NCAPD2: variants seen among roughly 807,000 people sequenced by gnomAD.
The protein encoded by NCAPD2 is non-SMC condensin I complex subunit D2.
NCAPD2 carries 100 observed loss-of-function variants against 164.5 expected under a neutral mutation model. That is an observed-to-expected ratio of 0.61 (90% CI 0.52 to 0.72). The LOEUF (loss-of-function observed/expected upper bound fraction) is 0.72. Ranked by LOEUF, NCAPD2 falls within the 30% of genes least tolerant of loss-of-function variation. The pLI is 0.00. For missense variants in NCAPD2, 1,560 were observed against 1,749.2 expected, an observed-to-expected ratio of 0.89 and a Z score of 1.93; for synonymous variants, 585 against 642.6, an observed-to-expected ratio of 0.91 and a Z score of 1.36.
chr12:6,517,716 A>AAG, intron 12 of NCAPD2, 33 bp downstream of exon 12: 1 of 1,614,148 alleles, frequency 6.2e-7, no homozygotes, highest in East Asian at 2.2e-5. Flanking sequence ...TCCTAATGCC[A>AAG]GACAGGCTTC....
intron 2 of NCAPD2, among the ~76,000 whole-genome samples, chr12:6,504,424 G>T: frequency 6.6e-6 from 1 of 151,710 alleles, no homozygotes. Flanking sequence ...ACAGAGTCTT[G>T]CTCTGTGGCC....
chr12:6,528,406 G>A lies in NCAPD2; in HGVS notation c.3299+78G>A. 6.3e-7 allele frequency: 1 copy of A among 1,576,774 alleles called. No homozygotes were observed. On this transcript the variant is annotated intron_variant, in intron 25 of 31. Coordinates refer to ENST00000315579, the MANE Select transcript of NCAPD2 (RefSeq NM_014865.4). The surrounding 1 kb of genome is among the most constrained non-coding windows in gnomAD (Gnocchi z 5.1). ...TGAGAGTCAGTGTGAGAATCACCAG[G>A]GCTCTTCCCCTAGGCTTTGGCATCA...
chr12:6,516,332 T>A (rs1946199820), intron 9 of NCAPD2, among the ~76,000 whole-genome samples: 1 of 137,684 alleles, frequency 7.3e-6, no homozygotes, highest in Non-Finnish European at 1.6e-5. Context: ...TGAAATCCTG[T>A]CTCTACTAAA....
At position 6,531,286 on chromosome 12, in the gene NCAPD2, T is replaced by C; in HGVS notation, c.4121-41T>C. On this transcript the variant is annotated intron_variant, in intron 31 of 31. Transcript: ENST00000315579. The surrounding 1 kb of genome is among the most constrained non-coding windows in gnomAD (Gnocchi z 4.1). Reference sequence around the variant, plus strand: ...CTGATATCTATTTTTTCACCATCTTTGTGACTCAGCTTTTTCTTATTCCTT... The same window carrying C: ...CTGATATCTATTTTTTCACCATCTTCGTGACTCAGCTTTTTCTTATTCCTT... The C allele has an allele frequency of 6.3e-7, 1 of 1,585,846 alleles. No individual in the cohort carries two copies. The highest frequency in any genetic ancestry group is 8.6e-7 in the Non-Finnish European group (1 of 1,157,850).
Position 6,510,710 on chromosome 12 carries a change from A to G in NCAPD2, c.344A>G (p.Asn115Ser). 6.2e-7 allele frequency: 1 copy of G among 1,614,176 alleles called. No individual in the cohort carries two copies. Among genetic ancestry groups the G allele is most frequent in the Non-Finnish European group, 8.5e-7 (1 of 1,180,026 alleles). ...GGATCAGATAGAAACGCCCATCTAA[A>G]TGCCCTCAAAATGAACTGTTATGCT... ...LSGSDRNAHL[N>S]ALKMNCYALI... Residue 115 changes from asparagine (N) to serine (S), a missense_variant, in exon 5 of 32, where the codon AAT (asparagine) becomes AGT (serine). Coordinates refer to ENST00000315579, the MANE Select transcript of NCAPD2 (RefSeq NM_014865.4).
At chr12:6,530,069 C>G (rs1444250090) in intron 29 of NCAPD2, 111 bp downstream of exon 29, 2 of 1,244,918 alleles carry the variant, frequency 1.6e-6, no homozygotes, top group Non-Finnish European at 2.2e-6. Flanking sequence ...CTCCTTATCC[C>G]CAGCTGGGTT....
intron 27 of NCAPD2, 168 bp from the exon 28 acceptor site, chr12:6,529,345 G>T: frequency 1.5e-6 from 1 of 663,262 alleles, no homozygotes; most frequent in Non-Finnish European, 2.6e-6. Context: ...GGCGGGGTGG[G>T]GTCCCTCTCT....
chr12:6,518,517 T>TGTTTTG (rs1565544180), intron 13 of NCAPD2, among the ~76,000 whole-genome samples: 5 of 113,054 alleles, frequency 4.4e-5, no homozygotes, highest in African/African-American at 1.8e-4. Context: ...TTTTTTTTTT[T>TGTTTTG]TTTTTTTTTT....
rs750148087 is a variant in NCAPD2, at chr12:6,495,236, A to G, written c.127+11A>G. The G allele has an allele frequency of 6.2e-6, 10 of 1,613,946 alleles. No individual in the cohort carries two copies. In the African/African-American group the frequency reaches 9.3e-5, roughly 15 times the overall value. On this transcript the variant is annotated intron_variant, in intron 2 of 31. Coordinates refer to ENST00000315579, the MANE Select transcript of NCAPD2 (RefSeq NM_014865.4). ...CACCACAGCTTAGAGGTAAGAGTCC[A>G]TAGCTGTCACTGTACCTAGCTCTTT...
chr12:6,514,343 C>G lies in NCAPD2; in HGVS notation c.666C>G (p.Ala222=). 6.2e-7 allele frequency: 1 copy of G among 1,614,228 alleles called. No homozygotes were observed. The highest frequency in any genetic ancestry group is 8.5e-7 in the Non-Finnish European group (1 of 1,180,046). Residue 222 remains alanine, a synonymous_variant, in exon 7 of 32, where the codon GCC becomes GCG. Coordinates refer to ENST00000315579, the MANE Select transcript of NCAPD2 (RefSeq NM_014865.4). ...NHQKNRPTRE[A]ITHLLGVALT... ...AGAAGAACCGCCCCACTCGGGAAGC[C>G]ATAACACACCTGCTTGGTGTAGCCT...
chr12:6,506,725 G>A (rs946392831), intron 2 of NCAPD2, among the ~76,000 whole-genome samples: 1 of 152,078 alleles, frequency 6.6e-6, no homozygotes, highest in African/African-American at 2.4e-5. Context: ...CATACCTGTT[G>A]TTCTAGCTAC....
intron 13 of NCAPD2, among the ~76,000 whole-genome samples, chr12:6,518,515 T>TGTTTG (rs1350342410): frequency 5.5e-5 from 6 of 109,248 alleles, no homozygotes; most frequent in African/African-American, 1.9e-4. Flanking sequence ...TTTTTTTTTT[T>TGTTTG]TTTTTTTTTT....
intron 4 of NCAPD2, 196 bp from the exon 5 acceptor site, chr12:6,510,433 T>C (rs1592169274): frequency 1.3e-6 from 1 of 797,382 alleles, no homozygotes; most frequent in East Asian, 2.4e-5. Flanking sequence ...TTGTGGTAAC[T>C]GGAGTGAGAG....
At chr12:6,529,246 C>T (rs1946348583) in intron 27 of NCAPD2, 2 of 614,664 alleles carry the variant, frequency 3.3e-6, no homozygotes, top group Non-Finnish European at 5.7e-6. Flanking sequence ...CGATAAAGTT[C>T]CTAACATGGT....
chr12:6,523,218 C>T (rs1258075080), intron 16 of NCAPD2, 44 bp from the exon 17 acceptor site: 2 of 1,588,030 alleles, frequency 1.3e-6, no homozygotes, highest in Middle Eastern at 1.7e-4. Flanking sequence ...CCAAGTTCAG[C>T]TTCCCAATCT....
At chr12:6,514,951 T>C in intron 9 of NCAPD2, 31 bp downstream of exon 9, 4 of 1,612,458 alleles carry the variant, frequency 2.5e-6, no homozygotes, top group Non-Finnish European at 3.4e-6. Flanking sequence ...CACTGAGCTT[T>C]TTCTGGGGAT....
Position 6,526,515 on chromosome 12 carries a change from G to A in NCAPD2, c.2634G>A (p.Leu878=), listed in dbSNP as rs1038609946. ...KEVAVTLIYQ[L]AEGPEVICAQ... ...TGGCAGTGACCCTCATTTACCAACT[G>A]GCAGAGGGCCCCGAAGTGATCTGTG... Residue 878 remains leucine (L), a synonymous_variant, in exon 21 of 32, where the codon CTG becomes CTA. Transcript: ENST00000315579. 6.2e-7 allele frequency: 1 copy of A among 1,614,016 alleles called. No homozygotes were observed.
At chr12:6,524,978 A>T (rs112487958) in intron 17 of NCAPD2, among the ~76,000 whole-genome samples, 2 of 152,156 alleles carry the variant, frequency 1.3e-5, no homozygotes, top group African/African-American at 4.8e-5. Flanking sequence ...AGCACCTGCA[A>T]ACTGGGGTGC....
chr12:6,497,983 G>C (rs534961100), intron 2 of NCAPD2, among the ~76,000 whole-genome samples: 1 of 151,440 alleles, frequency 6.6e-6, no homozygotes, highest in African/African-American at 2.4e-5. Context: ...GCCCAGGCTG[G>C]AGTGCAGTGG....
Sources: gnomAD v4.1 joint callset for allele counts (sites outside exome capture counted in the v4.1 genomes callset) on GRCh38, gnomAD v4.1.1 for gene constraint, Gnocchi (gnomAD v3.1) non-coding constraint, MANE v1.5 for transcripts, NCBI Gene and HGNC (gene_info 2026-07-23, HGNC 2026-07-21) for gene names.